The following MTA3 variants were observed in gnomAD, a reference collection of about 807,000 sequenced individuals.
MTA3 encodes the protein metastasis associated 1 family member 3.
A neutral mutation model predicts 83.5 loss-of-function variants in MTA3; 34 were observed. The ratio of observed to expected loss-of-function variants is 0.41; its 90% CI spans 0.31 to 0.54. The LOEUF (loss-of-function observed/expected upper bound fraction) is 0.54, where lower values mean the gene tolerates loss of function less well. Ranked by LOEUF, MTA3 falls within the 20% of genes least tolerant of loss-of-function variation. The pLI is 0.33. For missense variants in MTA3, 761 were observed against 726.4 expected, an observed-to-expected ratio of 1.05 and a Z score of -0.55; for synonymous variants, 303 against 252.7, an observed-to-expected ratio of 1.20 and a Z score of -1.89.
intron 12 of MTA3, 120 bp downstream of exon 12, chr2:42,704,438 T>C (rs1665888951): frequency 8.6e-7 from 1 of 1,169,390 alleles, no homozygotes; most frequent in Admixed American, 2.3e-5. Flanking sequence ...GCATGTCTCC[T>C]CTAAATGAGT....
intron 16 of MTA3, among the ~76,000 whole-genome samples, chr2:42,724,009 A>G (rs1170141492): frequency 1.3e-5 from 2 of 152,210 alleles, no homozygotes; most frequent in Non-Finnish European, 2.9e-5. Flanking sequence ...ATGGTTGTCA[A>G]GAATTTAGCT....
intron 4 of MTA3, among the ~76,000 whole-genome samples, chr2:42,618,783 A>AT (rs760478155): frequency 2.0e-5 from 3 of 152,004 alleles, no homozygotes; most frequent in East Asian, 1.9e-4. Flanking sequence ...TATTAAAATA[A>AT]TTTTTTTGGT....
intron 3 of MTA3, among the ~76,000 whole-genome samples, chr2:42,598,763 G>A (rs1409190059): frequency 2.6e-5 from 4 of 152,154 alleles, no homozygotes; most frequent in Admixed American, 6.5e-5. Flanking sequence ...CCTGTGTTGA[G>A]GGTTTTTGTA....
At chr2:42,537,801 T>A (rs985103445) in intron 2 of MTA3, among the ~76,000 whole-genome samples, 9 of 152,190 alleles carry the variant, frequency 5.9e-5, no homozygotes, top group African/African-American at 1.9e-4. Flanking sequence ...AATGTTGAAA[T>A]TCCTGGATGT....
intron 2 of MTA3, among the ~76,000 whole-genome samples, chr2:42,578,298 A>G (rs1290553052): frequency 1.3e-5 from 2 of 152,172 alleles, no homozygotes; most frequent in East Asian, 3.8e-4. Context: ...ATTCTAGAGA[A>G]TAGGAGAGCA....
At chr2:42,721,211 G>T (rs1322827631) in intron 15 of MTA3, among the ~76,000 whole-genome samples, 12 of 151,972 alleles carry the variant, frequency 7.9e-5, no homozygotes, top group Admixed American at 7.2e-4. Context: ...AATTCTTAGT[G>T]TAGTGGGGAA....
Position 42,608,145 on chromosome 2 carries a change from T to C in MTA3, c.191-1313T>C, listed in dbSNP as rs186166209. Among the ~76,000 whole-genome samples, 11 of 152,368 alleles carry C rather than the reference T, an allele frequency of 7.2e-5. No homozygotes were observed. In the East Asian group the frequency reaches 2.1e-3, roughly 29 times the overall value. On this transcript the variant is annotated intron_variant, in intron 3 of 16. Transcript: ENST00000405094. ...ATAAGAACGTAAGATTTACTGTTGCTGTTGTAGAGCTGGTTGCTGTTTTAG... is the reference window on the plus strand; with the variant it reads ...ATAAGAACGTAAGATTTACTGTTGCCGTTGTAGAGCTGGTTGCTGTTTTAG...
chr2:42,595,106 ATTTTTTTTT>A (rs67598721), intron 3 of MTA3, among the ~76,000 whole-genome samples: 2 of 77,032 alleles, frequency 2.6e-5, no homozygotes, highest in Non-Finnish European at 4.5e-5. Flanking sequence ...CAGGAGCTTC[ATTTTTTTTT>A]TTTTTTTTTT....
At chr2:42,733,388 A>G (rs951101339) in intron 16 of MTA3, among the ~76,000 whole-genome samples, 2 of 152,126 alleles carry the variant, frequency 1.3e-5, no homozygotes, top group Admixed American at 1.3e-4. Context: ...GGCCGCCATG[A>G]CTCAATTACC....
chr2:42,539,274 T>C lies in MTA3; in HGVS notation c.-140-31163T>C, dbSNP rs542385115. On this transcript the variant is annotated intron_variant, in intron 2 of 17. Coordinates refer to the MTA3 transcript ENST00000405592. ...TATAAAGGAAAGAGGTTTAATTGAC[T>C]TACAGTTCCGCAGGGCTGGGGAGGC... 2.9e-3 allele frequency among the ~76,000 whole-genome samples: 445 copies of C among 152,218 alleles called. 3 individuals are homozygous for C. The highest frequency in any genetic ancestry group is 0.01 in the African/African-American group (428 of 41,536).
At chr2:42,731,620 C>G (rs984034877) in intron 16 of MTA3, among the ~76,000 whole-genome samples, 6 of 152,144 alleles carry the variant, frequency 3.9e-5, no homozygotes, top group African/African-American at 1.4e-4. Context: ...CATGGGAATT[C>G]TGGGAGATAC....
chr2:42,558,713 A>AT (rs894258388), intron 2 of MTA3, among the ~76,000 whole-genome samples: 1,886 of 139,830 alleles, frequency 0.013, 31 homozygotes, highest in African/African-American at 0.045. Flanking sequence ...ACGCCCCGCT[A>AT]TTTTTTTTTT....
chr2:42,717,097 C>G (rs1344592999), intron 14 of MTA3, among the ~76,000 whole-genome samples: 1 of 142,706 alleles, frequency 7.0e-6, no homozygotes, highest in African/African-American at 2.6e-5. Flanking sequence ...GCTCTTTTGC[C>G]ATCTTCGGTT....
chr2:42,674,650 G>A (rs1573573510), intron 8 of MTA3, among the ~76,000 whole-genome samples: 1 of 147,958 alleles, frequency 6.8e-6, no homozygotes, highest in East Asian at 2.0e-4. Context: ...CTAGGCTGGA[G>A]TGCAGTGGCC....
chr2:42,708,105 A>G (rs1666256631), intron 13 of MTA3, 51 bp downstream of exon 13: 1 of 1,545,380 alleles, frequency 6.5e-7, no homozygotes, highest in South Asian at 1.3e-5. Flanking sequence ...AAATGGGTTG[A>G]TTATTCCTTG....
chr2:42,734,605 G>C (rs553238430), intron 16 of MTA3, among the ~76,000 whole-genome samples: 6 of 148,536 alleles, frequency 4.0e-5, no homozygotes, highest in African/African-American at 1.5e-4. Context: ...TTGTTTTCTC[G>C]TTATTTTGTG....
At chr2:42,619,618 A>T (rs1166899299) in intron 4 of MTA3, among the ~76,000 whole-genome samples, 1 of 152,200 alleles carries the variant, frequency 6.6e-6, no homozygotes, top group South Asian at 2.1e-4. Flanking sequence ...TGTAGTTCCA[A>T]ATAAAATCTC....
At chr2:42,661,257 G>T (rs889506272) in intron 8 of MTA3, among the ~76,000 whole-genome samples, 2 of 152,032 alleles carry the variant, frequency 1.3e-5, no homozygotes, top group African/African-American at 4.8e-5. Flanking sequence ...ATTTCACTTT[G>T]GGGGGCTGAG....
At chr2:42,626,585 C>T (rs867177078) in intron 4 of MTA3, among the ~76,000 whole-genome samples, 1 of 151,354 alleles carries the variant, frequency 6.6e-6, no homozygotes, top group Non-Finnish European at 1.5e-5. Context: ...CGTGGGCCAC[C>T]GCACCTGGCC....
Sources: allele counts gnomAD v4.1 joint callset (sites outside exome capture counted in the v4.1 genomes callset), GRCh38; gene constraint gnomAD v4.1.1; transcripts MANE v1.5; gene names NCBI Gene and HGNC (gene_info 2026-07-23, HGNC 2026-07-21).